TNFAIP8L3: variants seen among roughly 807,000 people sequenced by gnomAD.
TNFAIP8L3 encodes TNF alpha induced protein 8 like 3.
TNFAIP8L3 carries 7 observed loss-of-function variants against 11.8 expected under a neutral mutation model. That is an observed-to-expected ratio of 0.59 (90% CI 0.34 to 1.11). The LOEUF (loss-of-function observed/expected upper bound fraction) is 1.11. Ranked by LOEUF, TNFAIP8L3 falls within the 50% of genes most tolerant of loss-of-function variation. The probability of loss-of-function intolerance (pLI) is 0.03; values close to 1 mark genes in which losing one functional copy is unlikely to be tolerated. For synonymous variants in TNFAIP8L3, 98 were observed against 103.8 expected, an observed-to-expected ratio of 0.94 and a Z score of 0.34; for missense variants, 219 against 258.6, an observed-to-expected ratio of 0.85 and a Z score of 1.05.
At chr15:51,084,431 T>G (rs2065413145) in intron 1 of TNFAIP8L3, among the ~76,000 whole-genome samples, 1 of 152,254 alleles carries the variant, frequency 6.6e-6, no homozygotes, top group South Asian at 2.1e-4. Flanking sequence ...GGTTTGTTTC[T>G]GCCCCCGCCC....
chr15:51,078,273 T>A (rs1193753255), intron 1 of TNFAIP8L3, among the ~76,000 whole-genome samples: 3 of 141,998 alleles, frequency 2.1e-5, no homozygotes, highest in Admixed American at 7.1e-5. Context: ...TGGGAGGGCA[T>A]TTTCGGTTGT....
chr15:51,063,777 CAT>C (rs1430503098), intron 1 of TNFAIP8L3, among the ~76,000 whole-genome samples: 5 of 152,174 alleles, frequency 3.3e-5, no homozygotes, highest in Admixed American at 2.0e-4. Context: ...AATACAGAAA[CAT>C]GTGAAACAGC....
intron 1 of TNFAIP8L3, among the ~76,000 whole-genome samples, chr15:51,076,904 T>C (rs2065354934): frequency 6.6e-6 from 1 of 152,204 alleles, no homozygotes; most frequent in African/African-American, 2.4e-5. Flanking sequence ...AATTGAATTT[T>C]TGTCATCATC....
upstream of TNFAIP8L3, among the ~76,000 whole-genome samples, chr15:51,096,814 C>T (rs1218343766): frequency 6.7e-6 from 1 of 150,370 alleles, no homozygotes; most frequent in Non-Finnish European, 1.5e-5. Flanking sequence ...TCGCTTGAAC[C>T]CAGGAGGCGG....
Position 51,094,718 on chromosome 15 carries a change from C to A in TNFAIP8L3, c.-123G>T. The A allele has an allele frequency of 1.0e-6, 1 of 987,038 alleles. No homozygotes were observed. Among genetic ancestry groups the A allele is most frequent in the Non-Finnish European group, 1.2e-6 (1 of 832,800 alleles). 61.1% of individuals were successfully genotyped at this position (987,038 alleles called of 1,614,324 possible). ...GCCCGGGCGGCGCGGGCGGCGCGGG[C>A]TGGGCGGTGCGCGGCGGCAGCGGCC... On this transcript the variant is annotated 5_prime_UTR_variant, in exon 1 of 2. Transcript: ENST00000637513. This position sits in a 1 kb window ranked among gnomAD's most constrained non-coding sequence, Gnocchi z 4.4.
chr15:51,070,073 C>T (rs1442518307), intron 1 of TNFAIP8L3, among the ~76,000 whole-genome samples: 1 of 152,196 alleles, frequency 6.6e-6, no homozygotes, highest in Non-Finnish European at 1.5e-5. Flanking sequence ...AGAGGGAATT[C>T]TGTATATTTC....
chr15:51,084,904 T>C (rs74013132), intron 1 of TNFAIP8L3, among the ~76,000 whole-genome samples: 2,635 of 152,260 alleles, frequency 0.017, 95 homozygotes, highest in African/African-American at 0.06. Context: ...AAGAGCTCCA[T>C]CTTAAGGGAC....
At chr15:51,095,323 T>C (rs1203617360), upstream of TNFAIP8L3, among the ~76,000 whole-genome samples, 3 of 151,742 alleles carry the variant, frequency 2.0e-5, no homozygotes, top group Admixed American at 6.6e-5. Flanking sequence ...TTGTGGAAAG[T>C]AGTAAGACAA....
At chr15:51,082,094 C>G (rs1037383758) in intron 1 of TNFAIP8L3, among the ~76,000 whole-genome samples, 2 of 149,974 alleles carry the variant, frequency 1.3e-5, no homozygotes, top group African/African-American at 4.9e-5. Flanking sequence ...CGTGAAAAAG[C>G]ATAGTCAACA....
At chr15:51,076,675 G>A (rs1425212692) in intron 1 of TNFAIP8L3, among the ~76,000 whole-genome samples, 2 of 152,116 alleles carry the variant, frequency 1.3e-5, no homozygotes, top group Non-Finnish European at 2.9e-5. Flanking sequence ...AGAGAGCCCA[G>A]TCCTGGTCCT....
rs2065215582 is a variant in TNFAIP8L3 at position 51,057,786 on chromosome 15, T to G, written c.*95A>C. ...GAACAGGAAAGAACATGGACATCTTTGACAAGGGTTTCTGCTTATGTTCTT... is the reference window on the plus strand; with the variant it reads ...GAACAGGAAAGAACATGGACATCTTGGACAAGGGTTTCTGCTTATGTTCTT... On this transcript the variant is annotated 3_prime_UTR_variant, in exon 2 of 2. Coordinates refer to ENST00000637513, the MANE Select transcript of TNFAIP8L3 (RefSeq NM_001311175.2). The G allele has an allele frequency of 1.2e-5, 13 of 1,094,850 alleles. No individual in the cohort carries two copies. The highest frequency in any genetic ancestry group is 1.7e-5 in the Non-Finnish European group (13 of 762,354). The allele number at this position is 1,094,850 out of a possible 1,614,324, so 67.8% of individuals were successfully genotyped here. A position where few individuals can be genotyped will look rare whatever the true frequency, so the allele number is the denominator to read the frequency against.
intron 1 of TNFAIP8L3, among the ~76,000 whole-genome samples, chr15:51,084,814 G>C (rs1193272477): frequency 6.6e-6 from 1 of 152,144 alleles, no homozygotes; most frequent in African/African-American, 2.4e-5. Flanking sequence ...GGAGCCTTTA[G>C]CTTCCCAAAA....
chr15:51,102,239 C>T (rs1206334211), intron 1 of TNFAIP8L3, among the ~76,000 whole-genome samples: 3 of 152,162 alleles, frequency 2.0e-5, no homozygotes, highest in Non-Finnish European at 2.9e-5. Flanking sequence ...ATGCTTTCAT[C>T]TGATGCTGAC....
chr15:51,071,053 A>AAAAAAAAAG (rs2065305709), intron 1 of TNFAIP8L3, among the ~76,000 whole-genome samples: 1 of 148,052 alleles, frequency 6.8e-6, no homozygotes, highest in Non-Finnish European at 1.5e-5. Flanking sequence ...TCCGTCTCAA[A>AAAAAAAAAG]AAAAAAAAAA....
intron 1 of TNFAIP8L3, among the ~76,000 whole-genome samples, chr15:51,079,242 C>G (rs2065375442): frequency 6.6e-6 from 1 of 152,238 alleles, no homozygotes; most frequent in South Asian, 2.1e-4. Flanking sequence ...TCTTCCCAGC[C>G]CAATTCCTGC....
chr15:51,105,276 TCA>T (rs1283227659), upstream of TNFAIP8L3: 3 of 1,252,448 alleles, frequency 2.4e-6, no homozygotes, highest in Admixed American at 4.5e-5. Flanking sequence ...GACTAGCAAG[TCA>T]GTTTTCATCT....
At position 51,091,131 on chromosome 15, in the gene TNFAIP8L3, T is replaced by G. The variant is rs528360534; in HGVS notation, c.52+3413A>C. On this transcript the variant is annotated intron_variant, in intron 1 of 1. Transcript: ENST00000637513. ...TCTTCCCTAATCATAGAAAGATCCA[T>G]AAAATGACAGAAAGGCAGAGGAGAA... Among the ~76,000 whole-genome samples, 5 of 152,166 alleles carry G rather than the reference T, an allele frequency of 3.3e-5. No individual in the cohort carries two copies. In the East Asian group the frequency reaches 9.7e-4, roughly 29 times the overall value.
intron 1 of TNFAIP8L3, among the ~76,000 whole-genome samples, chr15:51,085,914 A>C (rs921014211): frequency 6.6e-6 from 1 of 152,144 alleles, no homozygotes; most frequent in African/African-American, 2.4e-5. Context: ...TTCTACCATG[A>C]GCTTGCACTT....
intron 1 of TNFAIP8L3, among the ~76,000 whole-genome samples, chr15:51,069,850 A>G (rs1398311170): frequency 6.6e-6 from 1 of 152,242 alleles, no homozygotes; most frequent in East Asian, 1.9e-4. Flanking sequence ...CAAAGCCTAC[A>G]GTCTTTGCCT....
Sources: gnomAD v4.1 joint callset for allele counts (sites outside exome capture counted in the v4.1 genomes callset) on GRCh38, gnomAD v4.1.1 for gene constraint, Gnocchi (gnomAD v3.1) non-coding constraint, MANE v1.5 for transcripts, NCBI Gene and HGNC (gene_info 2026-07-23, HGNC 2026-07-21) for gene names.